The following ROCK1 variants were observed in gnomAD, a reference collection of about 807,000 sequenced individuals.
The protein encoded by ROCK1 is rho-associated protein kinase 1.
ROCK1 carries 36 observed loss-of-function variants against 196.8 expected under a neutral mutation model. The ratio of observed to expected loss-of-function variants is 0.18; its 90% CI spans 0.14 to 0.24. ROCK1 has a LOEUF of 0.24. Among genes scored for constraint, ROCK1 ranks in the 10% least tolerant of loss-of-function variants. The pLI is 1.00. For synonymous variants in ROCK1, 443 were observed against 515.9 expected, an observed-to-expected ratio of 0.86 and a Z score of 1.91; for missense variants, 920 against 1,562.0, an observed-to-expected ratio of 0.59 and a Z score of 6.93.
intron 16 of ROCK1, among the ~76,000 whole-genome samples, chr18:20,998,904 C>T (rs1486790613): frequency 2.6e-5 from 4 of 151,940 alleles, no homozygotes; most frequent in East Asian, 3.9e-4. Context: ...CCACCGCATC[C>T]GGCCCTTACC....
At chr18:21,090,729 G>A (rs1015998308) in intron 1 of ROCK1, among the ~76,000 whole-genome samples, 7 of 152,190 alleles carry the variant, frequency 4.6e-5, no homozygotes, top group East Asian at 3.9e-4. Context: ...CCAGAAATTC[G>A]ACAACAACAA....
At chr18:21,070,448 G>T in intron 2 of ROCK1, 84 bp downstream of exon 2, 1 of 678,652 alleles carries the variant, frequency 1.5e-6, no homozygotes, top group Admixed American at 3.4e-5. Flanking sequence ...AAAGTAAATA[G>T]AAGAAAAAAT....
chr18:20,959,851 T>C lies in ROCK1; in HGVS notation c.3501A>G (p.Val1167=). The C allele has an allele frequency of 1.3e-6, 2 of 1,597,436 alleles. No individual in the cohort carries two copies. Among genetic ancestry groups the C allele is most frequent in the Non-Finnish European group, 8.5e-7 (1 of 1,171,236 alleles). Residue 1167 remains valine, a synonymous_variant, in exon 29 of 33, where the codon GTA becomes GTG. Coordinates refer to ENST00000399799, the MANE Select transcript of ROCK1 (RefSeq NM_005406.3). ...QDKEQSNPSM[V]LDIDKLFHVR... is the part of the protein sequence containing the mutation. The stretch of plus-strand genomic sequence containing the variant: ...CAAAGGCAACTTACTCTATGTCCAA[T>C]ACCATAGATGGATTGGATTGCTCCT...
At chr18:20,986,411 T>A (rs548999363) in intron 19 of ROCK1, among the ~76,000 whole-genome samples, 2 of 152,298 alleles carry the variant, frequency 1.3e-5, no homozygotes, top group Non-Finnish European at 2.9e-5. Context: ...ACCTTTAAAA[T>A]CTAGGTAACA....
At chr18:20,956,405 T>G (rs2035242644) in intron 29 of ROCK1, among the ~76,000 whole-genome samples, 1 of 152,062 alleles carries the variant, frequency 6.6e-6, no homozygotes, top group Non-Finnish European at 1.5e-5. Flanking sequence ...ACAACCACAA[T>G]AGGCCTAACT....
rs1442805929 is a variant in ROCK1, at chr18:21,028,785, C to T, written c.1202G>A (p.Ser401Asn). 1.9e-6 allele frequency: 3 copies of T among 1,607,640 alleles called. No individual in the cohort carries two copies. The highest frequency in any genetic ancestry group is 2.2e-5 in the East Asian group (1 of 44,658). ...TGTTTAGCATACTTACCTACGATTG[C>T]TATAATATGTAAATCCTACAAAAGG... Reference protein sequence around the residue: ...QLPFVGFTYYSNRRYLSSANP... With the variant: ...QLPFVGFTYYNNRRYLSSANP... Residue 401 changes from serine (S) to asparagine (N), a missense_variant, in exon 10 of 33, where the codon AGC becomes AAC. Transcript: ENST00000399799.
At chr18:20,958,881 A>AT (rs1491310651) in intron 29 of ROCK1, among the ~76,000 whole-genome samples, 59 of 72,418 alleles carry the variant, frequency 8.1e-4, no homozygotes, top group Admixed American at 1.7e-3. Flanking sequence ...TTATATATAT[A>AT]AATATATATA....
rs1448762615 is a variant in ROCK1 at position 20,960,166 on chromosome 18, T to C, written c.3393A>G (p.Gly1131=). 6.2e-7 allele frequency: 1 copy of C among 1,600,920 alleles called. No homozygotes were observed. The highest frequency in any genetic ancestry group is 1.3e-5 in the African/African-American group (1 of 74,694). ...IEGWLSVPNR[G]NIKRYGWKKQ... is the part of the protein sequence containing the mutation. The stretch of plus-strand genomic sequence containing the variant: ...TCTTCCAGCCATATCGTTTGATATT[T>C]CCTCTATTTGGTACTGAAAGCCAAC... Residue 1131 remains glycine (G), a synonymous_variant, in exon 28 of 33, where the codon GGA becomes GGG. Coordinates refer to ENST00000399799, the MANE Select transcript of ROCK1 (RefSeq NM_005406.3).
chr18:21,004,746 T>C (rs1413259792), intron 16 of ROCK1, among the ~76,000 whole-genome samples: 4 of 152,202 alleles, frequency 2.6e-5, no homozygotes, highest in Non-Finnish European at 5.9e-5. Flanking sequence ...ATGAAGAGAC[T>C]TTCAAACAGC....
intron 1 of ROCK1, among the ~76,000 whole-genome samples, chr18:21,097,393 C>G (rs1158945217): frequency 6.6e-6 from 1 of 152,144 alleles, no homozygotes; most frequent in Admixed American, 6.5e-5. Flanking sequence ...TATACTGGAA[C>G]CTTCATCCAA....
intron 2 of ROCK1, among the ~76,000 whole-genome samples, chr18:21,052,252 G>C (rs1473128936): frequency 1.3e-5 from 2 of 152,126 alleles, no homozygotes; most frequent in African/African-American, 4.8e-5. Context: ...GAGATTCTAT[G>C]GTTCTACTTT....
chr18:21,105,941 G>A (rs572436415), intron 1 of ROCK1, among the ~76,000 whole-genome samples: 1 of 152,272 alleles, frequency 6.6e-6, no homozygotes, highest in South Asian at 2.1e-4. Context: ...GAAAAGATGG[G>A]AAAGCACTAG....
At chr18:21,069,989 C>T (rs2036370074) in intron 2 of ROCK1, among the ~76,000 whole-genome samples, 2 of 151,588 alleles carry the variant, frequency 1.3e-5, no homozygotes, top group Admixed American at 6.6e-5. Flanking sequence ...TGTAATAAAA[C>T]ATATATAACC....
chr18:21,006,256 A>G, intron 16 of ROCK1, 95 bp downstream of exon 16: 8 of 939,056 alleles, frequency 8.5e-6, no homozygotes, highest in Non-Finnish European at 1.3e-5. Flanking sequence ...TGTGAACTGC[A>G]TTTAATCCCA....
At chr18:21,029,857 A>G (rs2035991608) in intron 9 of ROCK1, among the ~76,000 whole-genome samples, 2 of 152,278 alleles carry the variant, frequency 1.3e-5, no homozygotes, top group South Asian at 2.1e-4. Flanking sequence ...ATACTGTAGT[A>G]TAATAAAACA....
intron 3 of ROCK1, 117 bp from the exon 4 acceptor site, chr18:21,049,346 TCA>T: frequency 1.3e-6 from 1 of 778,964 alleles, no homozygotes; most frequent in South Asian, 3.3e-5. Flanking sequence ...CCTTACTGTT[TCA>T]GTTATTTTTA....
chr18:21,014,456 C>G (rs2035846198), intron 13 of ROCK1, among the ~76,000 whole-genome samples: 1 of 152,176 alleles, frequency 6.6e-6, no homozygotes, highest in Non-Finnish European at 1.5e-5. Context: ...CTCCATCTTT[C>G]TAGAAGTGAG....
At chr18:21,077,526 A>G (rs1213503080) in intron 1 of ROCK1, among the ~76,000 whole-genome samples, 1 of 152,188 alleles carries the variant, frequency 6.6e-6, no homozygotes, top group Non-Finnish European at 1.5e-5. Flanking sequence ...GACACACCTG[A>G]GGTAAAAGAT....
At chr18:20,955,122 C>A (rs572668363) in intron 30 of ROCK1, 45 bp downstream of exon 30, 1 of 1,522,946 alleles carries the variant, frequency 6.6e-7, no homozygotes, top group South Asian at 1.3e-5. Flanking sequence ...TTCACAAAAA[C>A]GCTTAGGACT....
Sources: allele counts gnomAD v4.1 joint callset (sites outside exome capture counted in the v4.1 genomes callset), GRCh38; gene constraint gnomAD v4.1.1; transcripts MANE v1.5; gene names NCBI Gene and HGNC (gene_info 2026-07-23, HGNC 2026-07-21).